Variants in ATAD2 observed in about 807,000 individuals in gnomAD.
The protein encoded by ATAD2 is ATPase family AAA domain containing 2.
ATAD2 carries 62 observed loss-of-function variants against 168.9 expected under a neutral mutation model. That is an observed-to-expected ratio of 0.37 (90% CI 0.30 to 0.45). ATAD2 has a LOEUF of 0.45. Ranked by LOEUF, ATAD2 falls within the 20% of genes least tolerant of loss-of-function variation. The probability of loss-of-function intolerance (pLI) is 1.00; values close to 1 mark genes in which losing one functional copy is unlikely to be tolerated. For missense variants in ATAD2, 1,419 were observed against 1,667.8 expected (o/e 0.85, Z 2.60); for synonymous variants, 613 against 571.6 (o/e 1.07, Z -1.03).
Position 123,320,716 on chromosome 8 carries a change from A to G in ATAD2, c.*418T>C, listed in dbSNP as rs1827443311. ...ATTTGAAGAAAACAAAGATGACAAA[A>G]AAGATGGGAAGGACACAATGGTTAA... On this transcript the variant is annotated 3_prime_UTR_variant, in exon 28 of 28. Transcript: ENST00000287394. The G allele has an allele frequency of 6.2e-6, 1 of 161,616 alleles. No homozygotes were observed. Among genetic ancestry groups the G allele is most frequent in the Non-Finnish European group, 1.3e-5 (1 of 74,706 alleles). 10.0% of individuals were successfully genotyped at this position (161,616 alleles called of 1,614,324 possible). A position where few individuals can be genotyped will look rare whatever the true frequency, so the allele number is the denominator to read the frequency against.
At chr8:123,406,802 G>C (rs1173542866) in intron 1 of ATAD2, among the ~76,000 whole-genome samples, 1 of 125,332 alleles carries the variant, frequency 8.0e-6, no homozygotes, top group Non-Finnish European at 1.6e-5. Context: ...GGGTGATAGA[G>C]TGAGACCCTG....
At chr8:123,343,611 A>C (rs990189240) in intron 19 of ATAD2, among the ~76,000 whole-genome samples, 7 of 152,216 alleles carry the variant, frequency 4.6e-5, no homozygotes, top group South Asian at 2.1e-4. Context: ...GTGAAAAAAA[A>C]CCATTAAACT....
At position 123,347,213 on chromosome 8, in the gene ATAD2, A is replaced by T. The variant is rs748103473; in HGVS notation, c.2091T>A (p.Pro697=). 6.2e-7 allele frequency: 1 copy of T among 1,614,208 alleles called. No homozygotes were observed. The highest frequency in any genetic ancestry group is 1.1e-5 in the South Asian group (1 of 91,092). Residue 697 remains proline, a synonymous_variant, in exon 16 of 28, where the codon CCT becomes CCA. Coordinates refer to ENST00000287394, the MANE Select transcript of ATAD2 (RefSeq NM_014109.4). The stretch of plus-strand genomic sequence containing the variant: ...TCACAACGGTGGACAGTGCCTGCCC[A>T]GGTGATGTCACAGCTCTTTGGGAGG... The part of the protein sequence containing the change: ...IPASQRAVTS[P]GQALSTVVKP...
chr8:123,349,102 T>C (rs374361395), intron 14 of ATAD2, among the ~76,000 whole-genome samples, 183 bp downstream of exon 14: 2 of 152,298 alleles, frequency 1.3e-5, no homozygotes, highest in South Asian at 2.1e-4. Context: ...AAGAGTAATT[T>C]TGGGAAGGCA....
rs1812824818 is a variant in ATAD2 at position 123,396,281 on chromosome 8, C to T, written c.77G>A (p.Ser26Asn). Residue 26 changes from serine (S) to asparagine (N), a missense_variant, in exon 1 of 28, where the codon AGT becomes AAT. By Grantham distance (46) the Ser-to-Asn change is conservative. This residue lies in a region of ATAD2 where 419 missense variants were observed against 423.5 expected (regional missense o/e 0.99). Coordinates refer to ENST00000287394, the MANE Select transcript of ATAD2 (RefSeq NM_014109.4). ...GATGTGCTCCAGACTGAGGAAGTCA[C>T]TGGACAGGTCCAAGGAGCCCGTGGC... ...ASATGSLDLS[S>N]DFLSLEHIGR... The T allele has an allele frequency of 6.2e-7, 1 of 1,611,512 alleles. No homozygotes were observed. Among genetic ancestry groups the T allele is most frequent in the South Asian group, 1.1e-5 (1 of 91,046 alleles).
At chr8:123,337,526 G>A in intron 21 of ATAD2, 99 bp downstream of exon 21, 1 of 1,140,200 alleles carries the variant, frequency 8.8e-7, no homozygotes, top group Non-Finnish European at 1.2e-6. Context: ...GATAAAACTA[G>A]TTAAGAGTGT....
At position 123,346,163 on chromosome 8, in the gene ATAD2, T is replaced by C; in HGVS notation, c.2455A>G (p.Lys819Glu). The change falls in exon 18 of 28, where the codon AAG becomes GAG. Residue 819 changes from lysine to glutamate, a missense_variant. By Grantham distance (56) the Lys-to-Glu change is moderately conservative (BLOSUM62 1). Transcript: ENST00000287394. ...ATGTCTAATGTATATACAGTAAACT[T>C]TTCCAAAGCATGAATGACAGCTGGT... is the stretch of plus-strand genomic sequence containing the variant. ...LAPAVIHALE[K>E]FTVYTLDIPV... is the part of the protein sequence containing the mutation. 1 of 1,613,342 alleles carries C rather than the reference T, an allele frequency of 6.2e-7. No individual in the cohort carries two copies. Among genetic ancestry groups the C allele is most frequent in the Non-Finnish European group, 8.5e-7 (1 of 1,179,676 alleles).
chr8:123,409,984 A>G (rs1272677740), intron 1 of ATAD2, among the ~76,000 whole-genome samples: 2 of 151,660 alleles, frequency 1.3e-5, no homozygotes, highest in East Asian at 3.9e-4. Flanking sequence ...CTTCCAATAA[A>G]AAAAGCTTTA....
intron 1 of ATAD2, among the ~76,000 whole-genome samples, chr8:123,389,674 C>T (rs1829759166): frequency 1.3e-5 from 2 of 151,488 alleles, no homozygotes; most frequent in Non-Finnish European, 2.9e-5. Flanking sequence ...CAATGGTCTA[C>T]TGCTCACTTC....
intron 1 of ATAD2, among the ~76,000 whole-genome samples, chr8:123,412,563 C>G (rs1701503087): frequency 6.6e-6 from 1 of 151,992 alleles, no homozygotes; most frequent in South Asian, 2.1e-4. Flanking sequence ...CTCCTGGGTG[C>G]CTAGGACTAC....
chr8:123,333,405 G>A (rs1364069831), intron 24 of ATAD2, among the ~76,000 whole-genome samples: 3 of 46,738 alleles, frequency 6.4e-5, no homozygotes, highest in Non-Finnish European at 1.1e-4. Flanking sequence ...GCGAGACTCC[G>A]TCTCAAAAAA....
intron 5 of ATAD2, 68 bp downstream of exon 5, chr8:123,371,168 T>C: frequency 7.9e-7 from 1 of 1,273,872 alleles, no homozygotes; most frequent in South Asian, 1.4e-5. Flanking sequence ...TAATGAAAAA[T>C]GGATTAGGTA....
intron 13 of ATAD2, among the ~76,000 whole-genome samples, chr8:123,350,300 C>T (rs573803365): frequency 6.6e-6 from 1 of 152,074 alleles, no homozygotes; most frequent in African/African-American, 2.4e-5. Flanking sequence ...AATAAAACCT[C>T]GGACACACAG....
At chr8:123,375,882 TG>T (rs1829292740) in intron 2 of ATAD2, among the ~76,000 whole-genome samples, 1 of 147,832 alleles carries the variant, frequency 6.8e-6, no homozygotes, top group Non-Finnish European at 1.5e-5. Context: ...CTCAGACAGG[TG>T]GATCACAAGG....
rs1052999227 is a variant in ATAD2 at position 123,340,048 on chromosome 8, C to T, written c.2719-602G>A. 2.6e-5 allele frequency among the ~76,000 whole-genome samples: 4 copies of T among 152,192 alleles called. No homozygotes were observed. The East Asian group carries it at 7.7e-4, about 29-fold the overall frequency. ...GGGACTACAGGCACGCACCACCACACTCAGCTAATTTTTAAACTTTTTGTA... is the reference window on the plus strand; with the variant it reads ...GGGACTACAGGCACGCACCACCACATTCAGCTAATTTTTAAACTTTTTGTA... On this transcript the variant is annotated intron_variant, in intron 19 of 27. Coordinates refer to ENST00000287394, the MANE Select transcript of ATAD2 (RefSeq NM_014109.4).
chr8:123,366,047 T>C (rs555959662), intron 8 of ATAD2, among the ~76,000 whole-genome samples: 3 of 152,224 alleles, frequency 2.0e-5, no homozygotes, highest in South Asian at 2.1e-4. Flanking sequence ...ATATCTAGCA[T>C]CTACAACGAA....
At chr8:123,379,562 ATTTTT>A (rs67580328) in intron 2 of ATAD2, among the ~76,000 whole-genome samples, 3 of 130,040 alleles carry the variant, frequency 2.3e-5, no homozygotes, top group Non-Finnish European at 5.0e-5. Flanking sequence ...GTACATACTA[ATTTTT>A]TTTTTTTTTT....
rs945910343 is a variant in ATAD2, at chr8:123,354,086, A to G, written c.1646+2303T>C. ...GAGGCAGAGGTTGCAGTGAGCCAAGACTGTGCTACTGCACTCCAGCCTGGG... is the reference window on the plus strand; with the variant it reads ...GAGGCAGAGGTTGCAGTGAGCCAAGGCTGTGCTACTGCACTCCAGCCTGGG... On this transcript the variant is annotated intron_variant, in intron 13 of 27. Transcript: ENST00000287394. 7.2e-5 allele frequency among the ~76,000 whole-genome samples: 11 copies of G among 152,254 alleles called. No homozygotes were observed. The East Asian group carries it at 1.9e-3, about 27-fold the overall frequency.
intron 23 of ATAD2, 42 bp downstream of exon 23, chr8:123,334,158 A>G: frequency 6.5e-7 from 1 of 1,548,702 alleles, no homozygotes; most frequent in Non-Finnish European, 8.7e-7. Context: ...AAATTCATTG[A>G]TAATATTAGG....
Sources: allele counts gnomAD v4.1 joint callset (sites outside exome capture counted in the v4.1 genomes callset), GRCh38; gene constraint gnomAD v4.1.1; regional missense constraint gnomAD v4.1.1; transcripts MANE v1.5; gene names NCBI Gene and HGNC (gene_info 2026-07-23, HGNC 2026-07-21).